CCSER1: variants seen among roughly 807,000 people sequenced by gnomAD.
The protein encoded by CCSER1 is serine-rich coiled-coil domain-containing protein 1.
In CCSER1, 41 loss-of-function variants were observed where a neutral mutation model predicts 82.0. That is an observed-to-expected ratio of 0.50 (90% CI 0.39 to 0.65). CCSER1 has a LOEUF of 0.65. CCSER1 is among the 30% of genes least tolerant of loss of function. The pLI, the probability that CCSER1 is intolerant of heterozygous loss-of-function variation, is 0.00. For synonymous variants in CCSER1, 414 were observed against 383.9 expected, an observed-to-expected ratio of 1.08 and a Z score of -0.92; for missense variants, 1,119 against 1,064.2, an observed-to-expected ratio of 1.05 and a Z score of -0.72.
intron 6 of CCSER1, among the ~76,000 whole-genome samples, chr4:90,631,070 T>G (rs1198232391): frequency 6.6e-6 from 1 of 151,878 alleles, no homozygotes; most frequent in Non-Finnish European, 1.5e-5. Context: ...ATTTTATGTA[T>G]TTTTAGTAGA....
intron 5 of CCSER1, among the ~76,000 whole-genome samples, chr4:90,480,748 G>T (rs1268617839): frequency 6.6e-6 from 1 of 152,042 alleles, no homozygotes; most frequent in Non-Finnish European, 1.5e-5. Flanking sequence ...TCTCTGTTTT[G>T]GTACCAGTAC....
chr4:91,084,708 T>G (rs900777058), intron 9 of CCSER1, among the ~76,000 whole-genome samples: 1 of 152,140 alleles, frequency 6.6e-6, no homozygotes, highest in Non-Finnish European at 1.5e-5. Context: ...TTTTCTATAA[T>G]CAGAAAACAG....
chr4:90,424,283 T>C (rs1193168721), intron 4 of CCSER1, among the ~76,000 whole-genome samples: 1 of 152,060 alleles, frequency 6.6e-6, no homozygotes, highest in Admixed American at 6.6e-5. Flanking sequence ...ATCTGAAAAA[T>C]CCATAGGGGT....
intron 10 of CCSER1, among the ~76,000 whole-genome samples, chr4:91,207,342 C>A (rs1461818675): frequency 7.9e-6 from 1 of 126,260 alleles, no homozygotes; most frequent in Non-Finnish European, 1.7e-5. Context: ...CCAACAGTTG[C>A]TTTTCTTTTC....
intron 10 of CCSER1, among the ~76,000 whole-genome samples, chr4:91,559,045 C>T (rs1386040540): frequency 6.6e-6 from 1 of 151,488 alleles, no homozygotes; most frequent in African/African-American, 2.4e-5. Context: ...GCTTCCTTTG[C>T]TTTCAGTGTA....
intron 9 of CCSER1, among the ~76,000 whole-genome samples, chr4:91,022,781 C>T (rs927963471): frequency 1.6e-4 from 24 of 152,216 alleles, no homozygotes; most frequent in Middle Eastern, 6.8e-3. Context: ...CATTTTTTCA[C>T]GTGTCTTTTG....
rs147587939 is a variant in CCSER1 at position 90,667,048 on chromosome 4, G to C, written c.1932+38816G>C. On this transcript the variant is annotated intron_variant, in intron 6 of 10. Coordinates refer to ENST00000509176, the MANE Select transcript of CCSER1 (RefSeq NM_001145065.2). ...GTTGTTGAAAACTGCATGGTCTTTG[G>C]AAGAGAGTGGTAGAGTTAACACCGA... 6.1e-3 allele frequency among the ~76,000 whole-genome samples: 936 copies of C among 152,276 alleles called. 8 individuals are homozygous for C. The highest frequency in any genetic ancestry group is 0.021 in the African/African-American group (870 of 41,554).
intron 8 of CCSER1, among the ~76,000 whole-genome samples, chr4:90,832,854 C>G (rs1198673181): frequency 6.6e-6 from 1 of 152,036 alleles, no homozygotes; most frequent in African/African-American, 2.4e-5. Context: ...AATTACTAAG[C>G]TTACTTTTGT....
chr4:90,189,621 T>C (rs765248206), intron 1 of CCSER1, among the ~76,000 whole-genome samples: 54 of 151,920 alleles, frequency 3.6e-4, no homozygotes, highest in Non-Finnish European at 5.9e-4. Flanking sequence ...TGTTCCTTTT[T>C]TCTTATCCTG....
At chr4:91,302,991 A>G (rs1182802085) in intron 10 of CCSER1, among the ~76,000 whole-genome samples, 2 of 152,068 alleles carry the variant, frequency 1.3e-5, no homozygotes, top group African/African-American at 2.4e-5. Context: ...CGTATATTCA[A>G]TGCCACAAGA....
chr4:91,570,565 G>T (rs892101931), intron 10 of CCSER1, among the ~76,000 whole-genome samples: 15 of 152,200 alleles, frequency 9.9e-5, no homozygotes, highest in African/African-American at 3.6e-4. Flanking sequence ...AAGGCTTGGG[G>T]CTTGCACCCT....
At chr4:90,832,741 T>G (rs1654782297) in intron 8 of CCSER1, among the ~76,000 whole-genome samples, 1 of 152,192 alleles carries the variant, frequency 6.6e-6, no homozygotes, top group Admixed American at 6.5e-5. Context: ...TTGTCAACAC[T>G]TTATAGATTT....
At chr4:91,061,759 A>C (rs1743973569) in intron 9 of CCSER1, among the ~76,000 whole-genome samples, 1 of 151,878 alleles carries the variant, frequency 6.6e-6, no homozygotes, top group Admixed American at 6.6e-5. Context: ...GTGTGCAGTT[A>C]ATTTATTTTT....
intron 1 of CCSER1, among the ~76,000 whole-genome samples, chr4:90,189,425 C>T (rs1332362912): frequency 6.6e-6 from 1 of 151,846 alleles, no homozygotes; most frequent in African/African-American, 2.4e-5. Context: ...CCCCTTGCAG[C>T]TCTGTAATTC....
intron 10 of CCSER1, among the ~76,000 whole-genome samples, chr4:91,099,315 C>T (rs1724827074): frequency 6.6e-6 from 1 of 152,094 alleles, no homozygotes; most frequent in Non-Finnish European, 1.5e-5. Context: ...TAGCCCACCA[C>T]TAAGATGTAT....
chr4:91,527,795 A>G (rs1311373465), intron 10 of CCSER1, among the ~76,000 whole-genome samples: 1 of 152,204 alleles, frequency 6.6e-6, no homozygotes, highest in African/African-American at 2.4e-5. Flanking sequence ...TAGAAATTCA[A>G]TACTGCAGGT....
At chr4:91,592,968 A>T (rs1427295053) in intron 10 of CCSER1, among the ~76,000 whole-genome samples, 3 of 152,162 alleles carry the variant, frequency 2.0e-5, no homozygotes, top group African/African-American at 7.2e-5. Flanking sequence ...ACTACCAATA[A>T]TTTTTACAAA....
chr4:90,998,724 T>A (rs1006226827), intron 9 of CCSER1, among the ~76,000 whole-genome samples: 278 of 11,198 alleles, frequency 0.025, 1 homozygote, highest in African/African-American at 0.059. Context: ...CATTACACAG[T>A]TTTTTTTTTT....
intron 10 of CCSER1, among the ~76,000 whole-genome samples, chr4:91,151,256 T>C (rs904079909): frequency 5.3e-5 from 8 of 152,202 alleles, no homozygotes; most frequent in Non-Finnish European, 1.0e-4. Context: ...TTTATTTGCA[T>C]AGAGGTGCTT....
Sources: allele counts gnomAD v4.1 joint callset (sites outside exome capture counted in the v4.1 genomes callset), GRCh38; gene constraint gnomAD v4.1.1; transcripts MANE v1.5; gene names NCBI Gene and HGNC (gene_info 2026-07-23, HGNC 2026-07-21).